Variants in ESPNL observed in about 807,000 individuals in gnomAD.
ESPNL encodes espin like.
A neutral mutation model predicts 46.8 loss-of-function variants in ESPNL; 49 were observed. The ratio of observed to expected loss-of-function variants is 1.05; its 90% CI spans 0.83 to 1.33. ESPNL has a LOEUF of 1.33. Among genes scored for constraint, ESPNL ranks in the 40% most tolerant of loss-of-function variants. The pLI is 0.00. For synonymous variants in ESPNL, 664 were observed against 662.1 expected (o/e 1.00, Z -0.04); for missense variants, 1,540 against 1,436.6 (o/e 1.07, Z -1.16).
rs748052589 is a variant in ESPNL, at chr2:238,130,785, C to G, written c.2071C>G (p.Leu691Val). The change falls in exon 9 of 9, where the codon CTG (leucine) becomes GTG (valine). Residue 691 changes from leucine (L) to valine (V), a missense_variant. Leu to Val is a conservative substitution (Grantham distance 32). Transcript: ENST00000343063. ...RQCLSGCWPALPKPRSGLASG... is the reference protein window; with the variant it reads ...RQCLSGCWPAVPKPRSGLASG... ...GTGCCTGAGTGGCTGCTGGCCAGCC[C>G]TGCCTAAGCCCCGCAGTGGCCTGGC... The G allele has an allele frequency of 3.9e-6, 6 of 1,545,700 alleles. No individual in the cohort carries two copies. Among genetic ancestry groups the G allele is most frequent in the Non-Finnish European group, 5.2e-6 (6 of 1,150,204 alleles).
At chr2:238,130,026 G>T (rs892224982) in intron 8 of ESPNL, 102 bp from the exon 9 acceptor site, 2 of 1,321,284 alleles carry the variant, frequency 1.5e-6, no homozygotes, top group Non-Finnish European at 2.1e-6. Flanking sequence ...GGCAGGACCA[G>T]AGGCTCTGCA....
intron 4 of ESPNL, among the ~76,000 whole-genome samples, chr2:238,108,611 C>G (rs1691653718): frequency 6.6e-6 from 1 of 152,198 alleles, no homozygotes. Flanking sequence ...GTCTGTTCAC[C>G]TCCATGAAGT....
At position 238,123,890 on chromosome 2, in the gene ESPNL, G is replaced by A. The variant is rs769618338; in HGVS notation, c.988-1380G>A. On this transcript the variant is annotated intron_variant, in intron 5 of 8. Coordinates refer to ENST00000343063, the MANE Select transcript of ESPNL (RefSeq NM_194312.4). The stretch of plus-strand genomic sequence containing the variant: ...TTCCCCGTGGCCCAGTGGGGTGAGG[G>A]TCCTGGAGGGGAGGTGGCCGAGGGG... 1.1e-3 allele frequency among the ~76,000 whole-genome samples: 167 copies of A among 152,298 alleles called. 2 individuals carry two copies. The highest frequency in any genetic ancestry group is 1.2e-3 in the Non-Finnish European group (81 of 68,008).
At chr2:238,127,384 G>C (rs909451641) in intron 6 of ESPNL, 34 of 1,291,508 alleles carry the variant, frequency 2.6e-5, no homozygotes, top group Non-Finnish European at 3.1e-5. Context: ...GCCGCGGCGT[G>C]GCCCAGCGGT....
intron 5 of ESPNL, among the ~76,000 whole-genome samples, chr2:238,122,896 G>A (rs1692019259): frequency 6.6e-6 from 1 of 152,216 alleles, no homozygotes; most frequent in African/African-American, 2.4e-5. Flanking sequence ...GCCGCGTCTG[G>A]TCTGGAGTCT....
chr2:238,101,951 CCTCG>C lies in ESPNL; in HGVS notation c.306_309del (p.Ser103AlafsTer29). 1 of 1,608,308 alleles carries C rather than the reference CCTCG, an allele frequency of 6.2e-7. No individual in the cohort carries two copies. On this transcript the variant is annotated frameshift_variant, in exon 2 of 9. Transcript: ENST00000343063. LOFTEE classifies it high-confidence loss of function. ...CCCGGGGCTTGGTAGGACCAAGATG[CCTCG>C]GGCGTCTCCCCGCTGCACCTGGCCG...
At chr2:238,119,800 A>G (rs992136323) in intron 5 of ESPNL, among the ~76,000 whole-genome samples, 1 of 152,172 alleles carries the variant, frequency 6.6e-6, no homozygotes, top group East Asian at 1.9e-4. Flanking sequence ...TGTCTCCCCA[A>G]GGGGTTGCTG....
rs67888039 is a variant in ESPNL at position 238,127,117 on chromosome 2, T to TTGTGTCTG, written c.1103-501_1103-494dup. Among the ~76,000 whole-genome samples the TTGTGTCTG allele has an allele frequency of 1.5e-3, 219 of 149,326 alleles. 1 individual carries two copies. Among genetic ancestry groups the TTGTGTCTG allele is most frequent in the African/African-American group, 5.1e-3 (208 of 40,964 alleles). ...GTGTCTGTGTCTGTATGTGATGTGATTGTGTCTGTGTCTGTGTGATTGTGT... is the reference window on the plus strand; with the variant it reads ...GTGTCTGTGTCTGTATGTGATGTGATTGTGTCTGTGTGTCTGTGTCTGTGTGATTGTGT... On this transcript the variant is annotated intron_variant, in intron 6 of 8. Transcript: ENST00000343063.
rs532111166 is a variant in ESPNL at position 238,116,997 on chromosome 2, G to A, written c.950G>A (p.Arg317Gln). 13 of 1,612,330 alleles carry A rather than the reference G, an allele frequency of 8.1e-6. No homozygotes were observed. The highest frequency in any genetic ancestry group is 4.0e-5 in the African/African-American group (3 of 75,044). Residue 317 changes from arginine to glutamine, a missense_variant, in exon 5 of 9, where the codon CGG (arginine) becomes CAG (glutamine). Transcript: ENST00000343063. The part of the protein sequence containing the change: ...AADLAEYHGH[R>Q]DCAQYLREVA... ...GACCTGGCGGAGTACCATGGACACC[G>A]GGACTGCGCCCAGTACCTGCGGGAG...
At chr2:238,107,690 G>C in intron 3 of ESPNL, 101 bp from the exon 4 acceptor site, 2 of 1,210,196 alleles carry the variant, frequency 1.7e-6, no homozygotes, top group South Asian at 3.1e-5. Flanking sequence ...TGCCCCGAGA[G>C]GTACAGCCAG....
At chr2:238,126,699 TGTATGCTTGTGTCTGTGTGTCTCTGC>T (rs1692129250) in intron 6 of ESPNL, among the ~76,000 whole-genome samples, 2 of 152,010 alleles carry the variant, frequency 1.3e-5, no homozygotes, top group South Asian at 4.2e-4. Flanking sequence ...ATTGTGTCTG[TGTATGCTTGTGTCTGTGTGTCTCTGC>T]GTATGATTGT....
In ESPNL at chr2:238,103,225, C is replaced by T. The variant is rs116056006; in HGVS notation, c.485+1094C>T. Among the ~76,000 whole-genome samples, 683 of 152,312 alleles carry T rather than the reference C, an allele frequency of 4.5e-3. 4 individuals carry two copies. Among genetic ancestry groups the T allele is most frequent in the African/African-American group, 0.015 (638 of 41,556 alleles). ...ATTGCTTGAGCCCAGGAATTCAAGA[C>T]TGGCCTGGGCAATGTAGCGAGACCT... is the stretch of plus-strand genomic sequence containing the variant. On this transcript the variant is annotated intron_variant, in intron 2 of 8. Transcript: ENST00000343063.
At chr2:238,127,180 G>GTGTC in intron 6 of ESPNL, among the ~76,000 whole-genome samples, 1 of 152,172 alleles carries the variant, frequency 6.6e-6, no homozygotes. Flanking sequence ...GTGCATGTCT[G>GTGTC]TGTGTGATTG....
chr2:238,117,090 A>AT, intron 5 of ESPNL, 56 bp downstream of exon 5: 1 of 1,550,818 alleles, frequency 6.4e-7, no homozygotes, highest in Non-Finnish European at 8.7e-7. Flanking sequence ...CCCAGACCCC[A>AT]GCCAGGACCC....
rs1389696821 is a variant in ESPNL at position 238,107,827 on chromosome 2, A to G, written c.709A>G (p.Asn237Asp). 1 of 1,605,508 alleles carries G rather than the reference A, an allele frequency of 6.2e-7. No individual in the cohort carries two copies. Among genetic ancestry groups the G allele is most frequent in the Non-Finnish European group, 8.5e-7 (1 of 1,176,358 alleles). The change falls in exon 4 of 9, where the codon AAT becomes GAT. Residue 237 changes from asparagine to aspartate, a missense_variant. By Grantham distance (23) the Asn-to-Asp change is conservative (BLOSUM62 1). Coordinates refer to ENST00000343063, the MANE Select transcript of ESPNL (RefSeq NM_194312.4). ...CGACATCGGACTCACGGCACGGGAC[A>G]ATGAGGGGGCCACGGCCCTGCACTT... ...FTDIGLTARD[N>D]EGATALHFAA...
intron 4 of ESPNL, among the ~76,000 whole-genome samples, chr2:238,108,242 G>T (rs979204316): frequency 6.6e-6 from 1 of 152,200 alleles, no homozygotes; most frequent in Non-Finnish European, 1.5e-5. Flanking sequence ...CTTGGTCTTG[G>T]TGACAGTCTT....
intron 3 of ESPNL, among the ~76,000 whole-genome samples, 170 bp from the exon 4 acceptor site, chr2:238,107,621 G>A (rs568529700): frequency 6.6e-6 from 1 of 152,310 alleles, no homozygotes; most frequent in East Asian, 1.9e-4. Flanking sequence ...CTGCCCCAGG[G>A]TGACGGGGAC....
chr2:238,131,089 C>T lies in ESPNL; in HGVS notation c.2375C>T (p.Pro792Leu), dbSNP rs1692316135. The change falls in exon 9 of 9, where the codon CCC (proline) becomes CTC (leucine). Residue 792 changes from proline to leucine, a missense_variant. By Grantham distance (98) the Pro-to-Leu change is moderately conservative. Coordinates refer to ENST00000343063, the MANE Select transcript of ESPNL (RefSeq NM_194312.4). ...CCACCCTCCCCGCCCAGCGAGGGCC[C>T]CCGGCTGGGCCACCTGTGGCAGCAG... ...PGPPSPPSEG[P>L]RLGHLWQQRS... 17 of 1,542,146 alleles carry T rather than the reference C, an allele frequency of 1.1e-5. No individual in the cohort carries two copies. Among genetic ancestry groups the T allele is most frequent in the Non-Finnish European group, 1.4e-5 (16 of 1,145,480 alleles).
In ESPNL at chr2:238,131,506, A is replaced by G; in HGVS notation, c.2792A>G (p.Gln931Arg). ...AAAGCCCGCTTCTTTGGCTCCAGCC[A>G]GCGTCCCGCCTGGGATACGGAGCCT... is the stretch of plus-strand genomic sequence containing the variant. ...DIKARFFGSS[Q>R]RPAWDTEPGR... Residue 931 changes from glutamine to arginine, a missense_variant, in exon 9 of 9, where the codon CAG (glutamine) becomes CGG (arginine). Physicochemically the swap from Gln to Arg is conservative, Grantham distance 43. Transcript: ENST00000343063. The G allele has an allele frequency of 1.2e-6, 2 of 1,611,740 alleles. No individual in the cohort carries two copies. Among genetic ancestry groups the G allele is most frequent in the Non-Finnish European group, 8.5e-7 (1 of 1,179,460 alleles).
Sources: gnomAD v4.1 joint callset for allele counts (sites outside exome capture counted in the v4.1 genomes callset) on GRCh38, gnomAD v4.1.1 for gene constraint, MANE v1.5 for transcripts, NCBI Gene and HGNC (gene_info 2026-07-23, HGNC 2026-07-21) for gene names.